Variants in XRCC5 observed in about 807,000 individuals in gnomAD.
The protein encoded by XRCC5 is DNA repair protein Ku80.
A neutral mutation model predicts 95.7 loss-of-function variants in XRCC5; 12 were observed. The ratio of observed to expected loss-of-function variants is 0.13; its 90% CI spans 0.08 to 0.20. The LOEUF is 0.20. Among genes scored for constraint, XRCC5 ranks in the 10% least tolerant of loss-of-function variants. XRCC5 has a pLI of 1.00. For missense variants in XRCC5, 595 were observed against 873.9 expected (o/e 0.68, Z 4.02); for synonymous variants, 281 against 290.3 (o/e 0.97, Z 0.33).
At chr2:216,191,500 T>C (rs1689611717) in intron 17 of XRCC5, among the ~76,000 whole-genome samples, 1 of 151,702 alleles carries the variant, frequency 6.6e-6, no homozygotes, top group East Asian at 1.9e-4. Context: ...AACCTCTGCC[T>C]CCCAGGCTCA....
chr2:216,190,085 C>A, intron 16 of XRCC5, 140 bp from the exon 17 acceptor site: 1 of 565,488 alleles, frequency 1.8e-6, no homozygotes, highest in Non-Finnish European at 3.0e-6. Context: ...CTCATCTCTC[C>A]CCTAAAAGAA....
chr2:216,127,214 T>C (rs1023504332), intron 7 of XRCC5, among the ~76,000 whole-genome samples: 1 of 152,130 alleles, frequency 6.6e-6, no homozygotes, highest in Non-Finnish European at 1.5e-5. Context: ...CACTCCAACC[T>C]GAGCGATAGA....
chr2:216,132,636 G>A (rs375815973), intron 10 of XRCC5, among the ~76,000 whole-genome samples: 75 of 152,302 alleles, frequency 4.9e-4, no homozygotes, highest in African/African-American at 1.7e-3. Context: ...TTAGGAATGG[G>A]AATTTCACAG....
At chr2:216,116,563 AG>A (rs1696701321) in intron 2 of XRCC5, 95 bp from the exon 3 acceptor site, 1 of 1,381,898 alleles carries the variant, frequency 7.2e-7, no homozygotes, top group Non-Finnish European at 1.0e-6. Context: ...GACCTGCCAT[AG>A]GGAGGTCTGG....
At chr2:216,140,859 T>C (rs558160983) in intron 12 of XRCC5, among the ~76,000 whole-genome samples, 6 of 152,242 alleles carry the variant, frequency 3.9e-5, no homozygotes, top group Non-Finnish European at 7.3e-5. Flanking sequence ...ATACTAAATA[T>C]TTTGTTCCAG....
intron 16 of XRCC5, among the ~76,000 whole-genome samples, chr2:216,165,693 C>T (rs563570318): frequency 1.3e-5 from 2 of 152,302 alleles, no homozygotes; most frequent in South Asian, 4.1e-4. Flanking sequence ...GGAATCCCTT[C>T]CCCTTTTCTC....
At chr2:216,133,748 C>G (rs1697028741) in intron 10 of XRCC5, among the ~76,000 whole-genome samples, 1 of 152,178 alleles carries the variant, frequency 6.6e-6, no homozygotes, top group South Asian at 2.1e-4. Context: ...GGGATACTCT[C>G]TAGTGTCAGT....
intron 10 of XRCC5, among the ~76,000 whole-genome samples, chr2:216,136,014 T>C (rs979667710): frequency 6.6e-6 from 1 of 152,054 alleles, no homozygotes; most frequent in African/African-American, 2.4e-5. Flanking sequence ...ATGTCAGATA[T>C]CCACCAGCTA....
At chr2:216,178,714 T>C (rs1417102376) in intron 16 of XRCC5, among the ~76,000 whole-genome samples, 1 of 152,200 alleles carries the variant, frequency 6.6e-6, no homozygotes, top group Non-Finnish European at 1.5e-5. Flanking sequence ...CCCCCTTCAA[T>C]AGAGCTTTAT....
intron 14 of XRCC5, among the ~76,000 whole-genome samples, 163 bp downstream of exon 14, chr2:216,148,439 T>G (rs1445585589): frequency 6.6e-6 from 1 of 152,212 alleles, no homozygotes; most frequent in African/African-American, 2.4e-5. Flanking sequence ...ATTTCTTATA[T>G]CTGTCTGCTG....
Position 216,179,423 on chromosome 2 carries a change from G to T in XRCC5, c.1835-10802G>T, listed in dbSNP as rs999683223. Among the ~76,000 whole-genome samples, 36 of 152,170 alleles carry T rather than the reference G, an allele frequency of 2.4e-4. 1 individual carries two copies. Among genetic ancestry groups the T allele is most frequent in the Non-Finnish European group, 7.3e-5 (5 of 68,036 alleles). On this transcript the variant is annotated intron_variant, in intron 16 of 20. Coordinates refer to ENST00000392132, the MANE Select transcript of XRCC5 (RefSeq NM_021141.4). ...GTGAGGTTTTGGTAAGGACAGGAAT[G>T]TGGGGGCGGGGTGGGGATACTATTC...
chr2:216,114,741 G>A (rs867000983), intron 2 of XRCC5, among the ~76,000 whole-genome samples: 1 of 152,208 alleles, frequency 6.6e-6, no homozygotes, highest in Non-Finnish European at 1.5e-5. Flanking sequence ...GAGTTAGCAA[G>A]CTATAATCCT....
chr2:216,125,839 T>G (rs1292494130), intron 6 of XRCC5, 78 bp from the exon 7 acceptor site: 1 of 1,175,238 alleles, frequency 8.5e-7, no homozygotes. Context: ...CTTCTCATTG[T>G]AGAAAATCAA....
At chr2:216,127,962 A>G (rs1696922922) in intron 8 of XRCC5, 1 of 176,556 alleles carries the variant, frequency 5.7e-6, no homozygotes, top group South Asian at 1.8e-4. Flanking sequence ...CTCACTAGCT[A>G]GGAGCATGTT....
intron 9 of XRCC5, 119 bp downstream of exon 9, chr2:216,131,106 T>G (rs1696987450): frequency 2.8e-6 from 4 of 1,415,132 alleles, no homozygotes; most frequent in Admixed American, 2.9e-5. Context: ...TTCTAAAATG[T>G]AGTCTGGGGG....
At chr2:216,156,701 G>C (rs1158923321) in intron 14 of XRCC5, 1 of 539,926 alleles carries the variant, frequency 1.9e-6, no homozygotes, top group Non-Finnish European at 3.8e-6. Context: ...TCCATGATTT[G>C]TACTACACAG....
chr2:216,115,659 TAGAC>T (rs41297764), intron 2 of XRCC5, among the ~76,000 whole-genome samples: 12,407 of 152,236 alleles, frequency 0.081, 1,607 homozygotes, highest in African/African-American at 0.28. Flanking sequence ...TGTTAATAAT[TAGAC>T]AGGACTGTCT....
intron 16 of XRCC5, among the ~76,000 whole-genome samples, chr2:216,166,734 A>G (rs556151982): frequency 5.3e-5 from 8 of 152,298 alleles, no homozygotes; most frequent in African/African-American, 1.9e-4. Flanking sequence ...GATAGACAGC[A>G]GGTTCAAGAA....
At chr2:216,175,763 C>G (rs1443527896) in intron 16 of XRCC5, 2 of 449,958 alleles carry the variant, frequency 4.4e-6, no homozygotes, top group Non-Finnish European at 8.5e-6. Flanking sequence ...CTGTGTCCAC[C>G]TCTTCAACAC....
Sources: allele counts gnomAD v4.1 joint callset (sites outside exome capture counted in the v4.1 genomes callset), GRCh38; gene constraint gnomAD v4.1.1; transcripts MANE v1.5; gene names NCBI Gene and HGNC (gene_info 2026-07-23, HGNC 2026-07-21).